The following DLC1 variants were observed in gnomAD, a reference collection of about 807,000 sequenced individuals.
DLC1 encodes the protein DLC1 Rho GTPase activating protein, also known as rho GTPase-activating protein 7.
A neutral mutation model predicts 140.3 loss-of-function variants in DLC1; 54 were observed. The ratio of observed to expected loss-of-function variants is 0.38; its 90% confidence interval spans 0.31 to 0.48. DLC1 has a LOEUF of 0.48. DLC1 is among the 20% of genes least tolerant of loss of function. DLC1 has a pLI of 0.96. For synonymous variants in DLC1, 986 were observed against 728.1 expected, an observed-to-expected ratio of 1.35 and a Z score of -5.70; for missense variants, 2,536 against 1,907.0, an observed-to-expected ratio of 1.33 and a Z score of -6.14.
intron 1 of DLC1, chr8:13,567,373 A>G (rs747274124): frequency 6.4e-7 from 1 of 1,551,714 alleles, no homozygotes; most frequent in South Asian, 1.2e-5. Flanking sequence ...TTATTGCACC[A>G]TGAAGATAAA....
rs564240938 is a variant in DLC1 at position 13,152,636 on chromosome 8, A to C, written c.1349-36979T>G. ...AACGTGGAGAAACACCACCTCTACC[A>C]ATAATAATAATAATAATAAAATTAG... On this transcript the variant is annotated intron_variant, in intron 5 of 17. Coordinates refer to ENST00000276297, the MANE Select transcript of DLC1 (RefSeq NM_182643.3). Among the ~76,000 whole-genome samples the C allele has an allele frequency of 5.1e-5, 7 of 137,656 alleles. 1 individual carries two copies. The South Asian group carries it at 1.6e-3, about 30-fold the overall frequency. 90.3% of individuals were successfully genotyped at this position (137,656 alleles called of 152,430 possible). A position where few individuals can be genotyped will look rare whatever the true frequency, so the allele number is the denominator to read the frequency against.
intron 1 of DLC1, among the ~76,000 whole-genome samples, chr8:13,597,659 C>T (rs1304227920): frequency 6.6e-6 from 1 of 151,966 alleles, no homozygotes; most frequent in Non-Finnish European, 1.5e-5. Flanking sequence ...GATGCACACA[C>T]ATGGGAGGCA....
chr8:13,247,996 G>A (rs556392891), intron 5 of DLC1, among the ~76,000 whole-genome samples: 2 of 152,282 alleles, frequency 1.3e-5, no homozygotes, highest in African/African-American at 2.4e-5. Context: ...TTGAAACCAT[G>A]CATCGGCTGT....
chr8:13,166,370 C>T (rs1481865269), intron 5 of DLC1, among the ~76,000 whole-genome samples: 1 of 152,094 alleles, frequency 6.6e-6, no homozygotes, highest in African/African-American at 2.4e-5. Context: ...TAGACGGGGT[C>T]TGCTCTGTAT....
At chr8:13,360,720 C>T (rs1835183303) in intron 4 of DLC1, among the ~76,000 whole-genome samples, 1 of 151,308 alleles carries the variant, frequency 6.6e-6, no homozygotes, top group East Asian at 1.9e-4. Context: ...ACAAGTAATC[C>T]ATGTCTTAGA....
chr8:13,160,045 C>T (rs1328369383), intron 5 of DLC1: 1 of 152,332 alleles, frequency 6.6e-6, no homozygotes, highest in Non-Finnish European at 1.5e-5. Context: ...ATAATCGCAA[C>T]TACTCAGGAG....
intron 5 of DLC1, among the ~76,000 whole-genome samples, chr8:13,219,093 T>C (rs1315834828): frequency 1.7e-5 from 2 of 115,772 alleles, no homozygotes; most frequent in Non-Finnish European, 3.3e-5. Context: ...TATATGTGAA[T>C]GTAATTATAT....
chr8:13,107,397 G>A (rs1280417758), intron 7 of DLC1, among the ~76,000 whole-genome samples: 1 of 152,146 alleles, frequency 6.6e-6, no homozygotes, highest in Non-Finnish European at 1.5e-5. Flanking sequence ...TAAGATCCCT[G>A]CATAAAATAT....
At chr8:13,483,438 C>T (rs13261186) in intron 2 of DLC1, among the ~76,000 whole-genome samples, 109,287 of 152,074 alleles carry the variant, frequency 0.72, 41,449 homozygotes, top group Middle Eastern at 0.87. Flanking sequence ...TGCTAGGGCA[C>T]GTACTTGCAG....
chr8:13,306,684 C>T (rs182938175), intron 4 of DLC1, among the ~76,000 whole-genome samples: 29 of 151,898 alleles, frequency 1.9e-4, no homozygotes, highest in African/African-American at 6.5e-4. Flanking sequence ...ATCAAGACGT[C>T]TATATCCTTG....
chr8:13,202,961 C>G (rs958281837), intron 5 of DLC1, among the ~76,000 whole-genome samples: 1 of 152,172 alleles, frequency 6.6e-6, no homozygotes, highest in Non-Finnish European at 1.5e-5. Flanking sequence ...GCATGAGTCA[C>G]CAAGCTTCCC....
intron 5 of DLC1, among the ~76,000 whole-genome samples, chr8:13,220,130 T>C (rs1010613540): frequency 6.6e-6 from 1 of 152,174 alleles, no homozygotes; most frequent in Non-Finnish European, 1.5e-5. Context: ...ATTGTAAATA[T>C]ACAAAATGCC....
intron 4 of DLC1, among the ~76,000 whole-genome samples, chr8:13,316,613 T>G (rs1169721299): frequency 6.6e-6 from 1 of 152,056 alleles, no homozygotes; most frequent in East Asian, 1.9e-4. Flanking sequence ...GAGAGTGAGG[T>G]TGGATTATCT....
chr8:13,135,325 T>G (rs10091100), intron 5 of DLC1, among the ~76,000 whole-genome samples: 1 of 150,282 alleles, frequency 6.7e-6, no homozygotes, highest in Non-Finnish European at 1.5e-5. Context: ...GGACTACAGG[T>G]GCCCGCCACC....
chr8:13,083,822 C>T lies in DLC1; in HGVS notation c.*1989G>A, dbSNP rs557914371. The T allele has an allele frequency of 2.0e-5, 3 of 152,684 alleles. No homozygotes were observed. The East Asian group carries it at 5.8e-4, about 29-fold the overall frequency. 9.5% of individuals were successfully genotyped at this position (152,684 alleles called of 1,614,324 possible). A position where few individuals can be genotyped will look rare whatever the true frequency, so the allele number is the denominator to read the frequency against. ...CCGATTTTTCCTTCAGCAAATCGCT[C>T]TTTTGATTGTAGTTGATGCTAAAAT... On this transcript the variant is annotated 3_prime_UTR_variant, in exon 18 of 18. Transcript: ENST00000276297.
chr8:13,477,407 C>A (rs1180504144), intron 2 of DLC1, among the ~76,000 whole-genome samples: 2 of 152,108 alleles, frequency 1.3e-5, no homozygotes, highest in South Asian at 4.1e-4. Flanking sequence ...CGTGGGAGAC[C>A]AGGAGCACGG....
At chr8:13,386,722 T>C (rs560098289) in intron 4 of DLC1, among the ~76,000 whole-genome samples, 1 of 152,232 alleles carries the variant, frequency 6.6e-6, no homozygotes, top group African/African-American at 2.4e-5. Context: ...GTGAATGAAA[T>C]CCTCTGTGCT....
At chr8:13,221,376 T>A (rs1219903686) in intron 5 of DLC1, among the ~76,000 whole-genome samples, 1 of 151,596 alleles carries the variant, frequency 6.6e-6, no homozygotes, top group East Asian at 1.9e-4. Flanking sequence ...TTTCTTTTTT[T>A]TTTTTTTGTT....
chr8:13,571,623 A>T (rs1187283842), intron 1 of DLC1, among the ~76,000 whole-genome samples: 2 of 152,154 alleles, frequency 1.3e-5, no homozygotes, highest in Admixed American at 1.3e-4. Context: ...GGACACTTGC[A>T]TTGCTCCCAC....
Sources: allele counts gnomAD v4.1 joint callset (sites outside exome capture counted in the v4.1 genomes callset), GRCh38; gene constraint gnomAD v4.1.1; transcripts MANE v1.5; gene names NCBI Gene and HGNC (gene_info 2026-07-23, HGNC 2026-07-21).